Variants in TLR6 observed in about 807,000 individuals in gnomAD.
TLR6 encodes the protein toll-like receptor 6.
In TLR6, 9 loss-of-function variants were observed where a neutral mutation model predicts 16.1. The observed-to-expected ratio is 0.56, with a 90% CI of 0.34 to 0.98. The LOEUF (loss-of-function observed/expected upper bound fraction) is 0.98, where lower values mean the gene tolerates loss of function less well. TLR6 is among the 50% of genes least tolerant of loss of function. The pLI is 0.02. For synonymous variants in TLR6, 340 were observed against 338.6 expected (o/e 1.00, Z -0.04); for missense variants, 786 against 921.0 (o/e 0.85, Z 1.90).
exon 2 of TLR6, chr4:38,827,264 T>C: frequency 6.2e-7 from 1 of 1,614,156 alleles, no homozygotes; most frequent in South Asian, 1.1e-5. Flanking sequence ...TGGAATGGGT[T>C]CCAGTAAGAT....
chr4:38,859,079 G>T (rs141127335), upstream of TLR6, among the ~76,000 whole-genome samples: 1 of 152,144 alleles, frequency 6.6e-6, no homozygotes, highest in Non-Finnish European at 1.5e-5. Flanking sequence ...TCCACTTAGC[G>T]CAGCTGGGTA....
At chr4:38,848,500 G>A (rs1171335883) in intron 1 of TLR6, among the ~76,000 whole-genome samples, 1 of 152,198 alleles carries the variant, frequency 6.6e-6, no homozygotes, top group South Asian at 2.1e-4. Flanking sequence ...GAGGAAGTTC[G>A]AACCCATTGC....
rs1449199806 is a variant in TLR6 at position 38,829,541 on chromosome 4, G to C, written c.-64-4C>G. ...CATCTTGATATGAGTCCAAATTCTA[G>C]AAATATAATATACACTAAGATTAAT... On this transcript the variant is annotated splice_region_variant and splice_polypyrimidine_tract_variant and intron_variant, in intron 1 of 1. Coordinates refer to ENST00000436693, the Ensembl canonical transcript of TLR6. 1.8e-5 allele frequency: 16 copies of C among 878,060 alleles called. No individual in the cohort carries two copies. Among genetic ancestry groups the C allele is most frequent in the Non-Finnish European group, 3.6e-6 (2 of 559,986 alleles). The allele number at this position is 878,060 out of a possible 1,614,324, so 54.4% of individuals were successfully genotyped here.
At chr4:38,838,283 A>T (rs1712040305) in intron 1 of TLR6, among the ~76,000 whole-genome samples, 1 of 152,230 alleles carries the variant, frequency 6.6e-6, no homozygotes. Flanking sequence ...TATCAAAGGG[A>T]TACCTGCACC....
chr4:38,831,877 G>A (rs763974339), intron 1 of TLR6, among the ~76,000 whole-genome samples: 2 of 152,360 alleles, frequency 1.3e-5, no homozygotes, highest in Non-Finnish European at 2.9e-5. Context: ...AGGATGTGGA[G>A]CAACAAGAAC....
At chr4:38,848,033 C>T (rs577985707) in intron 1 of TLR6, among the ~76,000 whole-genome samples, 3 of 152,368 alleles carry the variant, frequency 2.0e-5, no homozygotes, top group African/African-American at 7.2e-5. Context: ...AGGCACCCCC[C>T]AGTAGGGGCA....
At chr4:38,846,938 C>T (rs1443489778) in intron 1 of TLR6, among the ~76,000 whole-genome samples, 1 of 151,912 alleles carries the variant, frequency 6.6e-6, no homozygotes, top group Non-Finnish European at 1.5e-5. Flanking sequence ...AAATTTCAGT[C>T]ATTTATGGGG....
At chr4:38,832,700 G>A (rs559685705) in intron 1 of TLR6, among the ~76,000 whole-genome samples, 5 of 152,118 alleles carry the variant, frequency 3.3e-5, no homozygotes, top group Non-Finnish European at 5.9e-5. Flanking sequence ...ATTCTCCTAC[G>A]TCCACCTAGA....
intron 1 of TLR6, among the ~76,000 whole-genome samples, chr4:38,834,431 T>C (rs560413671): frequency 6.1e-5 from 9 of 148,754 alleles, no homozygotes; most frequent in Non-Finnish European, 8.9e-5. Context: ...ATTTTGGGAG[T>C]TCCAGAAGCA....
At chr4:38,828,704 T>C (rs1727677662) in exon 2 of TLR6, 1 of 1,614,052 alleles carries the variant, frequency 6.2e-7, no homozygotes, top group Non-Finnish European at 8.5e-7. Context: ...TTCTATGTGG[T>C]TGAGGGTAAA....
At chr4:38,857,429 A>C (rs539604828), upstream of TLR6, among the ~76,000 whole-genome samples, 2 of 152,334 alleles carry the variant, frequency 1.3e-5, no homozygotes, top group South Asian at 2.1e-4. Flanking sequence ...GAAATCCTGC[A>C]AGACTAATTT....
chr4:38,844,319 G>C (rs182643210), intron 1 of TLR6, among the ~76,000 whole-genome samples: 1 of 152,202 alleles, frequency 6.6e-6, no homozygotes, highest in Non-Finnish European at 1.5e-5. Context: ...GTTGGGCAAC[G>C]ATAGGAGAAG....
chr4:38,858,888 AGAGAAAGAAAGAAAGAAAAG>A (rs1377837051), upstream of TLR6, among the ~76,000 whole-genome samples: 119 of 45,500 alleles, frequency 2.6e-3, 1 homozygote, highest in African/African-American at 0.011. Context: ...AGAAAGAAAG[AGAGAAAGAAAGAAAGAAAAG>A]AAAGAAAGAA....
intron 1 of TLR6, among the ~76,000 whole-genome samples, chr4:38,847,401 C>T (rs932386557): frequency 1.3e-5 from 2 of 152,136 alleles, no homozygotes; most frequent in South Asian, 2.1e-4. Flanking sequence ...GCTGAGGTAC[C>T]GGGTTCATCT....
At chr4:38,850,715 C>T (rs968359316) in intron 1 of TLR6, among the ~76,000 whole-genome samples, 3 of 152,132 alleles carry the variant, frequency 2.0e-5, no homozygotes, top group African/African-American at 7.2e-5. Flanking sequence ...CAATAACAGG[C>T]TCTGAAATTG....
chr4:38,859,333 C>T (rs181187013), upstream of TLR6, among the ~76,000 whole-genome samples: 66 of 152,302 alleles, frequency 4.3e-4, no homozygotes, highest in African/African-American at 1.5e-3. Context: ...GAGAGAGCAT[C>T]ACCCTATGAA....
At chr4:38,848,274 C>T (rs1712620553) in intron 1 of TLR6, among the ~76,000 whole-genome samples, 1 of 152,180 alleles carries the variant, frequency 6.6e-6, no homozygotes, top group African/African-American at 2.4e-5. Flanking sequence ...ACACCAAAAA[C>T]CCATCTGTAC....
chr4:38,833,135 T>C (rs1452610948), intron 1 of TLR6, among the ~76,000 whole-genome samples: 1 of 152,122 alleles, frequency 6.6e-6, no homozygotes, highest in East Asian at 1.9e-4. Flanking sequence ...TTGGTCCACT[T>C]TTCCTACTGC....
At chr4:38,859,565 C>CTTTTTTTTTT, upstream of TLR6, among the ~76,000 whole-genome samples, 1 of 122,132 alleles carries the variant, frequency 8.2e-6, no homozygotes, top group Non-Finnish European at 1.6e-5. Context: ...GATTATTGGC[C>CTTTTTTTTTT]TTTTTTTTTT....
Sources: gnomAD v4.1 joint callset for allele counts (sites outside exome capture counted in the v4.1 genomes callset) on GRCh38, gnomAD v4.1.1 for gene constraint, MANE v1.5 for transcripts, NCBI Gene and HGNC (gene_info 2026-07-23, HGNC 2026-07-21) for gene names.